Variants in SOX7 observed in about 807,000 individuals in gnomAD.
SOX7 encodes the protein SRY-box transcription factor 7, also known as transcription factor SOX-7.
SOX7 carries 19 observed loss-of-function variants against 24.9 expected under a neutral mutation model. That is an observed-to-expected ratio of 0.76 (90% confidence interval 0.53 to 1.12). SOX7 has a LOEUF of 1.12. Ranked by LOEUF, SOX7 falls within the 50% of genes most tolerant of loss-of-function variation. The pLI, the probability that SOX7 is intolerant of heterozygous loss-of-function variation, is 0.00. For missense variants in SOX7, 702 were observed against 535.0 expected (o/e 1.31, Z -3.08); for synonymous variants, 327 against 244.5 (o/e 1.34, Z -3.15).
At chr8:10,727,975 C>T (rs1382464701) in intron 1 of SOX7, among the ~76,000 whole-genome samples, 2 of 152,170 alleles carry the variant, frequency 1.3e-5, no homozygotes, top group African/African-American at 4.8e-5. Context: ...GGGCATTGTA[C>T]CAATTGGGAG....
In SOX7 at chr8:10,730,147, C is replaced by A. The variant is rs890535209; in HGVS notation, c.238+49G>T. ...CCCGCCCTGCAGTGCCGCCAGCCGCCCGCCGCCCGCCCCCGGCCCCCAGCC... is the reference window on the plus strand; with the variant it reads ...CCCGCCCTGCAGTGCCGCCAGCCGCACGCCGCCCGCCCCCGGCCCCCAGCC... On this transcript the variant is annotated intron_variant, in intron 1 of 1. Coordinates refer to ENST00000304501, the MANE Select transcript of SOX7 (RefSeq NM_031439.4). This position sits in a 1 kb window ranked among gnomAD's most constrained non-coding sequence, Gnocchi z 4.8. 3.8e-6 allele frequency: 5 copies of A among 1,323,648 alleles called. No individual in the cohort carries two copies. In the African/African-American group the frequency reaches 6.2e-5, roughly 17 times the overall value. The allele number at this position is 1,323,648 out of a possible 1,614,324, so 82.0% of individuals were successfully genotyped here. A position where few individuals can be genotyped will look rare whatever the true frequency, so the allele number is the denominator to read the frequency against.
intron 1 of SOX7, among the ~76,000 whole-genome samples, chr8:10,728,704 C>A (rs1164829881): frequency 6.6e-6 from 1 of 152,192 alleles, no homozygotes; most frequent in Non-Finnish European, 1.5e-5. Context: ...CAGAGCCATG[C>A]TCCTCTCTCC....
chr8:10,725,687 G>A lies in SOX7; in HGVS notation c.*51C>T. ...GCTGGACGGCTCCTCTGCCACTCAA[G>A]GCACAAGAAGGAGAGGGCGCGAGGG... On this transcript the variant is annotated 3_prime_UTR_variant, in exon 2 of 2. Coordinates refer to ENST00000304501, the MANE Select transcript of SOX7 (RefSeq NM_031439.4). 6.3e-7 allele frequency: 1 copy of A among 1,599,228 alleles called. No homozygotes were observed. Among genetic ancestry groups the A allele is most frequent in the Non-Finnish European group, 8.6e-7 (1 of 1,168,994 alleles).
chr8:10,726,726 G>C, intron 1 of SOX7, 60 bp from the exon 2 acceptor site: 2 of 1,405,676 alleles, frequency 1.4e-6, no homozygotes, highest in Non-Finnish European at 1.9e-6. Flanking sequence ...CATCGCACAT[G>C]CACACGCGTG....
At chr8:10,728,039 A>G (rs148603457) in intron 1 of SOX7, among the ~76,000 whole-genome samples, 2 of 152,358 alleles carry the variant, frequency 1.3e-5, no homozygotes, top group African/African-American at 4.8e-5. Context: ...GCTGTCACTC[A>G]AAAGGGCAAC....
chr8:10,727,684 T>C (rs76622454), intron 1 of SOX7, among the ~76,000 whole-genome samples: 11,010 of 152,298 alleles, frequency 0.072, 579 homozygotes, highest in Non-Finnish European at 0.12. Context: ...CTGCAGTGGT[T>C]TCTAGGGGTG....
Position 10,724,288 on chromosome 8 carries a change from A to G in SOX7, c.*1450T>C, listed in dbSNP as rs1191192114. The stretch of plus-strand genomic sequence containing the variant: ...TTTCTGATTTGCGGGAAGTTGCTCT[A>G]AAGCACTGGCTGAGGACTTTGCCTG... On this transcript the variant is annotated 3_prime_UTR_variant, in exon 2 of 2. Transcript: ENST00000304501. 1 of 152,204 alleles carries G rather than the reference A, an allele frequency of 6.6e-6. No individual in the cohort carries two copies. The highest frequency in any genetic ancestry group is 2.4e-5 in the African/African-American group (1 of 41,440). The allele number at this position is 152,204 out of a possible 1,614,324, so 9.4% of individuals were successfully genotyped here.
Position 10,726,324 on chromosome 8 carries a change from A to G in SOX7, c.581T>C (p.Val194Ala), listed in dbSNP as rs756638941. The stretch of plus-strand genomic sequence containing the variant: ...GGGCAGCCCGTACGGGTACGTGTCC[A>G]CACTGCTCGGGGTGCCGCCGCCGCC... Reference protein sequence around the residue: ...GGGGGGTPSSVDTYPYGLPTP... With the variant: ...GGGGGGTPSSADTYPYGLPTP... Residue 194 changes from valine (V) to alanine (A), a missense_variant, in exon 2 of 2, where the codon GTG becomes GCG. Physicochemically the swap from Val to Ala is moderately conservative, Grantham distance 64. Transcript: ENST00000304501. 4.3e-6 allele frequency: 7 copies of G among 1,613,338 alleles called. No homozygotes were observed. Among genetic ancestry groups the G allele is most frequent in the Admixed American group, 3.3e-5 (2 of 60,002 alleles).
intron 1 of SOX7, 127 bp from the exon 2 acceptor site, chr8:10,726,793 A>C: frequency 1.2e-6 from 1 of 852,810 alleles, no homozygotes. Context: ...CACAGAGGAC[A>C]CGGGCATCTC....
At position 10,726,596 on chromosome 8, in the gene SOX7, C is replaced by T. The variant is rs1251758274; in HGVS notation, c.309G>A (p.Leu103=). Residue 103 remains leucine, a synonymous_variant, in exon 2 of 2, where the codon CTG becomes CTA. Coordinates refer to ENST00000304501, the MANE Select transcript of SOX7 (RefSeq NM_031439.4). Reference sequence around the variant, plus strand: ...AGTTGGGGTAGTCCTGCATGTGCTGCAGGCGCAGCCGCTCCGCCTCGTCCA... The same window carrying T: ...AGTTGGGGTAGTCCTGCATGTGCTGTAGGCGCAGCCGCTCCGCCTCGTCCA... ...PYVDEAERLR[L]QHMQDYPNYK... 5.6e-6 allele frequency: 9 copies of T among 1,608,976 alleles called. No homozygotes were observed. Among genetic ancestry groups the T allele is most frequent in the Non-Finnish European group, 7.6e-6 (9 of 1,179,662 alleles).
chr8:10,728,184 G>A (rs748426570), intron 1 of SOX7, among the ~76,000 whole-genome samples: 12 of 152,180 alleles, frequency 7.9e-5, no homozygotes, highest in Non-Finnish European at 1.2e-4. Flanking sequence ...TATAAAATGT[G>A]GCCGTAGCTT....
chr8:10,727,139 A>G (rs1800171322), intron 1 of SOX7, among the ~76,000 whole-genome samples: 1 of 152,178 alleles, frequency 6.6e-6, no homozygotes, highest in Admixed American at 6.5e-5. Flanking sequence ...ATATTTACCT[A>G]TGGCATAAAT....
rs1488580444 is a variant in SOX7, at chr8:10,723,836, T to C, written c.*1902A>G. On this transcript the variant is annotated 3_prime_UTR_variant, in exon 2 of 2. Transcript: ENST00000304501. ...ATTAATATTGACAACTGTTCCAAAGTATGAGTTGTTCTTTCAAAAAAACGA... is the reference window on the plus strand; with the variant it reads ...ATTAATATTGACAACTGTTCCAAAGCATGAGTTGTTCTTTCAAAAAAACGA... 2 of 152,648 alleles carry C rather than the reference T, an allele frequency of 1.3e-5. No homozygotes were observed. The highest frequency in any genetic ancestry group is 2.9e-5 in the Non-Finnish European group (2 of 68,028). 9.5% of individuals were successfully genotyped at this position (152,648 alleles called of 1,614,324 possible). A position where few individuals can be genotyped will look rare whatever the true frequency, so the allele number is the denominator to read the frequency against.
At position 10,726,239 on chromosome 8, in the gene SOX7, G is replaced by T. The variant is rs1255748391; in HGVS notation, c.666C>A (p.Ser222=). The T allele has an allele frequency of 6.2e-7, 1 of 1,613,716 alleles. No individual in the cohort carries two copies. Among genetic ancestry groups the T allele is most frequent in the Non-Finnish European group, 8.5e-7 (1 of 1,179,938 alleles). ...GATGGCCATGCTCCTCCTGGCAGGGGGAGGAGAAGAAGGTCTGCTCCGGCT... is the reference window on the plus strand; with the variant it reads ...GATGGCCATGCTCCTCCTGGCAGGGTGAGGAGAAGAAGGTCTGCTCCGGCT... ...VLEPEQTFFS[S]PCQEEHGHPR... is the part of the protein sequence containing the mutation. Residue 222 remains serine, a synonymous_variant, in exon 2 of 2, where the codon TCC becomes TCA. Transcript: ENST00000304501.
rs750593985 is a variant in SOX7 at position 10,726,561 on chromosome 8, C to G, written c.344G>C (p.Arg115Pro). ...HMQDYPNYKY[R>P]PRRKKQAKRL... The stretch of plus-strand genomic sequence containing the variant: ...CTTGGCCTGCTTCTTCCTGCGCGGC[C>G]GGTACTTGTAGTTGGGGTAGTCCTG... Residue 115 changes from arginine to proline, a missense_variant, in exon 2 of 2, where the codon CGG becomes CCG. Transcript: ENST00000304501. 2.5e-6 allele frequency: 4 copies of G among 1,611,984 alleles called. No homozygotes were observed. The highest frequency in any genetic ancestry group is 3.3e-5 in the Admixed American group (2 of 60,018).
chr8:10,726,710 C>T (rs545296206), intron 1 of SOX7, 44 bp from the exon 2 acceptor site: 5 of 1,501,758 alleles, frequency 3.3e-6, no homozygotes, highest in East Asian at 2.3e-5. Flanking sequence ...TGCTGTGCCC[C>T]GCAGGCATCG....
chr8:10,729,250 G>C (rs985415978), intron 1 of SOX7: 6 of 152,232 alleles, frequency 3.9e-5, no homozygotes, highest in African/African-American at 1.4e-4. Context: ...GCTCTGTTCC[G>C]GACCGGGTGG....
At position 10,730,070 on chromosome 8, in the gene SOX7, G is replaced by C. The variant is rs1213827633; in HGVS notation, c.238+126C>G. 3.4e-6 allele frequency: 2 copies of C among 585,698 alleles called. No homozygotes were observed. Among genetic ancestry groups the C allele is most frequent in the Non-Finnish European group, 5.0e-6 (2 of 397,344 alleles). 36.3% of individuals were successfully genotyped at this position (585,698 alleles called of 1,614,324 possible). Reference sequence around the variant, plus strand: ...CGCAGATGGCCAGCCACGCGGGCACGAAGAGGGCCCTCGTCCCGCGTGCCG... The same window carrying C: ...CGCAGATGGCCAGCCACGCGGGCACCAAGAGGGCCCTCGTCCCGCGTGCCG... On this transcript the variant is annotated intron_variant, in intron 1 of 1. Transcript: ENST00000304501. The surrounding 1 kb of genome is among the most constrained non-coding windows in gnomAD (Gnocchi z 4.8).
In SOX7 at chr8:10,726,177, G is replaced by A. The variant is rs1179930728; in HGVS notation, c.728C>T (p.Ser243Leu). Residue 243 changes from serine (S) to leucine (L), a missense_variant, in exon 2 of 2, where the codon TCA becomes TTA. Ser to Leu is a moderately radical substitution (Grantham distance 145, BLOSUM62 -2). Coordinates refer to ENST00000304501, the MANE Select transcript of SOX7 (RefSeq NM_031439.4). ...GAGAGGGCTTGGGGCGTACTCCGGT[G>A]AGTACGGGTGCCCTGGCAGGTGGGG... Reference protein sequence around the residue: ...RIPHLPGHPYSPEYAPSPLHC... With the variant: ...RIPHLPGHPYLPEYAPSPLHC... The A allele has an allele frequency of 1.9e-6, 3 of 1,610,556 alleles. No homozygotes were observed. The highest frequency in any genetic ancestry group is 1.7e-4 in the Middle Eastern group (1 of 6,042).
Sources: allele counts gnomAD v4.1 joint callset (sites outside exome capture counted in the v4.1 genomes callset), GRCh38; gene constraint gnomAD v4.1.1; non-coding constraint Gnocchi (gnomAD v3.1); transcripts MANE v1.5; gene names NCBI Gene and HGNC (gene_info 2026-07-23, HGNC 2026-07-21).